The following SULT6B1 variants were observed in gnomAD, a reference collection of about 807,000 sequenced individuals.
SULT6B1 encodes sulfotransferase family 6B member 1.
A neutral mutation model predicts 37.2 loss-of-function variants in SULT6B1; 44 were observed. The observed-to-expected ratio is 1.18, with a 90% CI of 0.93 to 1.52. The LOEUF (loss-of-function observed/expected upper bound fraction) is 1.52. Ranked by LOEUF, SULT6B1 falls within the 40% of genes most tolerant of loss-of-function variation. SULT6B1 has a pLI of 0.00. For missense variants in SULT6B1, 450 were observed against 361.0 expected (o/e 1.25, Z -2.00); for synonymous variants, 140 against 126.0 (o/e 1.11, Z -0.74).
In SULT6B1 at chr2:37,175,242, G is replaced by C. The variant is rs548732094; in HGVS notation, c.530-16C>G. ...CCCCAAGAAACTAAAAACACAGGGG[G>C]GAAGACTTTAAGAAATGTCAAATAA... On this transcript the variant is annotated splice_polypyrimidine_tract_variant and intron_variant, in intron 4 of 6. Coordinates refer to ENST00000535679, the MANE Select transcript of SULT6B1 (RefSeq NM_001367551.1). 4 of 1,459,742 alleles carry C rather than the reference G, an allele frequency of 2.7e-6. No individual in the cohort carries two copies. Among genetic ancestry groups the C allele is most frequent in the Middle Eastern group, 2.2e-4 (1 of 4,590 alleles). The allele number at this position is 1,459,742 out of a possible 1,614,324, so 90.4% of individuals were successfully genotyped here. A position where few individuals can be genotyped will look rare whatever the true frequency, so the allele number is the denominator to read the frequency against.
At chr2:37,174,793 A>AACT (rs1676378030) in intron 5 of SULT6B1, among the ~76,000 whole-genome samples, 1 of 151,636 alleles carries the variant, frequency 6.6e-6, no homozygotes, top group African/African-American at 2.4e-5. Flanking sequence ...TTTTTAAAAA[A>AACT]TGACTGGATA....
At chr2:37,191,988 G>T (rs1187547797), upstream of SULT6B1, among the ~76,000 whole-genome samples, 1 of 152,196 alleles carries the variant, frequency 6.6e-6, no homozygotes, top group South Asian at 2.1e-4. Flanking sequence ...TGGCATGGCC[G>T]GCCCAGCAGC....
upstream of SULT6B1, chr2:37,191,368 C>A (rs1448500489): frequency 6.6e-6 from 1 of 152,162 alleles, no homozygotes; most frequent in Admixed American, 6.5e-5. Context: ...ACATCCCCGC[C>A]TGGGCCTGGC....
chr2:37,196,062 C>G (rs1046990958), intron 1 of SULT6B1: 1 of 152,194 alleles, frequency 6.6e-6, no homozygotes, highest in African/African-American at 2.4e-5. Context: ...CTCCTGATGT[C>G]GTGATCCTCC....
intron 4 of SULT6B1, among the ~76,000 whole-genome samples, chr2:37,177,694 TA>T (rs1676462164): frequency 6.6e-6 from 1 of 152,182 alleles, no homozygotes; most frequent in Non-Finnish European, 1.5e-5. Context: ...TAATATTCGT[TA>T]AAAGAATAGA....
At chr2:37,182,574 C>A (rs1353410511) in intron 3 of SULT6B1, among the ~76,000 whole-genome samples, 1 of 152,018 alleles carries the variant, frequency 6.6e-6, no homozygotes, top group African/African-American at 2.4e-5. Flanking sequence ...AGTGATCTGC[C>A]CACCTCGGCC....
intron 1 of SULT6B1, 106 bp downstream of exon 1, chr2:37,188,332 TCAGA>T (rs1472281338): frequency 5.8e-6 from 5 of 864,946 alleles, no homozygotes; most frequent in South Asian, 1.7e-5. Context: ...TCACTGATGC[TCAGA>T]CAGATTCCTG....
intron 1 of SULT6B1, among the ~76,000 whole-genome samples, chr2:37,195,090 CA>C (rs1234483217): frequency 5.9e-5 from 9 of 152,094 alleles, no homozygotes. Context: ...GCTGGGATTA[CA>C]GGCATGCTCC....
rs563817004 is a variant in SULT6B1 at position 37,183,423 on chromosome 2, A to G, written c.402+2T>C. Reference sequence around the variant, plus strand: ...GAATTATCAGTAGGAAAGGACACTCACCTTGGCTTTATTCTCGAAGATAGA... The same window carrying G: ...GAATTATCAGTAGGAAAGGACACTCGCCTTGGCTTTATTCTCGAAGATAGA... On this transcript the variant is annotated splice_donor_variant, in intron 3 of 6. Transcript: ENST00000535679. LOFTEE classifies it high-confidence loss of function. 11 of 1,612,552 alleles carry G rather than the reference A, an allele frequency of 6.8e-6. No individual in the cohort carries two copies. Among genetic ancestry groups the G allele is most frequent in the African/African-American group, 5.3e-5 (4 of 75,026 alleles).
Position 37,167,871 on chromosome 2 carries a change from TTTAA to T in SULT6B1, c.*60_*63del. 1 of 1,361,356 alleles carries T rather than the reference TTTAA, an allele frequency of 7.3e-7. No homozygotes were observed. The highest frequency in any genetic ancestry group is 9.8e-7 in the Non-Finnish European group (1 of 1,020,702). 84.3% of individuals were successfully genotyped at this position (1,361,356 alleles called of 1,614,324 possible). ...ATTTGATTATTTGATTGAATTATCA[TTTAA>T]TTATTTACACTTAATTATTATTAAG... On this transcript the variant is annotated 3_prime_UTR_variant, in exon 7 of 7. Coordinates refer to ENST00000535679, the MANE Select transcript of SULT6B1 (RefSeq NM_001367551.1).
chr2:37,190,514 C>T (rs1433698846), upstream of SULT6B1, among the ~76,000 whole-genome samples: 2 of 152,148 alleles, frequency 1.3e-5, no homozygotes, highest in Non-Finnish European at 2.9e-5. Flanking sequence ...TTCCTAACAG[C>T]CTTATGAAAT....
chr2:37,170,463 T>C (rs551638594), intron 6 of SULT6B1, among the ~76,000 whole-genome samples: 1 of 150,086 alleles, frequency 6.7e-6, no homozygotes, highest in East Asian at 2.0e-4. Flanking sequence ...CAAGACTCTG[T>C]CTCAAAAAAA....
rs1676298531 is a variant in SULT6B1 at position 37,171,527 on chromosome 2, T to C, written c.688A>G (p.Ile230Val). The part of the protein sequence containing the change: ...FLGFFLTGEQ[I>V]QTISVQSTFQ... ...GTGCTCTGGACTGAGATAGTTTGAA[T>C]TTGCTCCCCAGTTAGAAAGAATCCC... The change falls in exon 6 of 7, where the codon ATT becomes GTT. Residue 230 changes from isoleucine to valine, a missense_variant. Ile to Val is a conservative substitution (Grantham distance 29). Coordinates refer to ENST00000535679, the MANE Select transcript of SULT6B1 (RefSeq NM_001367551.1). 8 of 1,614,122 alleles carry C rather than the reference T, an allele frequency of 5.0e-6. No individual in the cohort carries two copies. In the East Asian group the frequency reaches 1.8e-4, roughly 36 times the overall value.
At chr2:37,172,884 G>C (rs1347600608) in intron 5 of SULT6B1, among the ~76,000 whole-genome samples, 2 of 148,770 alleles carry the variant, frequency 1.3e-5, no homozygotes, top group Non-Finnish European at 3.0e-5. Context: ...ATGGAGTCTT[G>C]CTCTGTGGCC....
upstream of SULT6B1, among the ~76,000 whole-genome samples, chr2:37,189,590 T>C (rs771567370): frequency 2.6e-5 from 4 of 152,204 alleles, no homozygotes; most frequent in Non-Finnish European, 4.4e-5. Context: ...GAAGTAAGCA[T>C]GTGCAGTGTG....
At chr2:37,195,078 T>G (rs1676882312) in intron 1 of SULT6B1, among the ~76,000 whole-genome samples, 1 of 152,068 alleles carries the variant, frequency 6.6e-6, no homozygotes, top group Non-Finnish European at 1.5e-5. Flanking sequence ...GATTTCCGAA[T>G]AGCTGGGATT....
intron 2 of SULT6B1, among the ~76,000 whole-genome samples, chr2:37,185,794 T>G (rs1676661440): frequency 6.6e-6 from 1 of 151,158 alleles, no homozygotes; most frequent in Non-Finnish European, 1.5e-5. Context: ...AAAGGTGATG[T>G]TAAGCACTCT....
intron 2 of SULT6B1, among the ~76,000 whole-genome samples, chr2:37,186,919 G>A (rs1676686557): frequency 6.6e-6 from 1 of 152,104 alleles, no homozygotes; most frequent in South Asian, 2.1e-4. Context: ...GGTTTACTAG[G>A]AAAAGACTGG....
intron 1 of SULT6B1, among the ~76,000 whole-genome samples, chr2:37,195,768 T>C (rs1676905898): frequency 6.6e-6 from 1 of 152,222 alleles, no homozygotes; most frequent in South Asian, 2.1e-4. Context: ...AGTGTTACTT[T>C]GCAAACGAAT....
Sources: gnomAD v4.1 joint callset for allele counts (sites outside exome capture counted in the v4.1 genomes callset) on GRCh38, gnomAD v4.1.1 for gene constraint, MANE v1.5 for transcripts, NCBI Gene and HGNC (gene_info 2026-07-23, HGNC 2026-07-21) for gene names.